The following RPS6KB1 variants were observed in gnomAD, a reference collection of about 807,000 sequenced individuals.
RPS6KB1 encodes the protein ribosomal protein S6 kinase B1, also known as ribosomal protein S6 kinase beta-1.
RPS6KB1 carries 12 observed loss-of-function variants against 70.2 expected under a neutral mutation model. The observed-to-expected ratio is 0.17, with a 90% CI of 0.11 to 0.28. The LOEUF is 0.28. RPS6KB1 is among the 10% of genes least tolerant of loss of function. The pLI, the probability that RPS6KB1 is intolerant of heterozygous loss-of-function variation, is 1.00. For missense variants in RPS6KB1, 270 were observed against 646.6 expected (o/e 0.42, Z 6.32); for synonymous variants, 175 against 211.2 (o/e 0.83, Z 1.49).
intron 12 of RPS6KB1, among the ~76,000 whole-genome samples, chr17:59,940,585 C>T (rs1002857179): frequency 7.2e-5 from 11 of 151,878 alleles, no homozygotes; most frequent in South Asian, 4.2e-4. Flanking sequence ...CATGCCCAGT[C>T]GATATATTCA....
chr17:59,922,637 C>T (rs571444302), intron 4 of RPS6KB1, among the ~76,000 whole-genome samples: 3 of 148,568 alleles, frequency 2.0e-5, no homozygotes, highest in Admixed American at 2.0e-4. Context: ...TTCTGCCTCC[C>T]GGGTTCAAAC....
chr17:59,900,261 T>C (rs1025047939), intron 1 of RPS6KB1, among the ~76,000 whole-genome samples: 2 of 151,522 alleles, frequency 1.3e-5, no homozygotes, highest in South Asian at 4.2e-4. Context: ...GTATGTTGGC[T>C]GTGTACTGGT....
chr17:59,900,230 A>ACACACACACACC (rs1355022894), intron 1 of RPS6KB1, among the ~76,000 whole-genome samples: 45 of 136,824 alleles, frequency 3.3e-4, no homozygotes, highest in South Asian at 7.3e-4. Flanking sequence ...ACACACACAC[A>ACACACACACACC]CCCCTATGTG....
intron 2 of RPS6KB1, 88 bp from the exon 3 acceptor site, chr17:59,912,596 A>T: frequency 7.3e-7 from 1 of 1,363,208 alleles, no homozygotes; most frequent in Non-Finnish European, 1.0e-6. Context: ...TACTTAGATT[A>T]CATTTCTCTG....
intron 5 of RPS6KB1, among the ~76,000 whole-genome samples, chr17:59,927,121 C>T (rs778292739): frequency 1.6e-4 from 24 of 151,672 alleles, no homozygotes; most frequent in Non-Finnish European, 2.6e-4. Context: ...TCACACTGGT[C>T]GCACAGGCTG....
chr17:59,947,491 G>T lies in RPS6KB1; in HGVS notation c.*703G>T. 6.7e-7 allele frequency: 1 copy of T among 1,484,462 alleles called. No homozygotes were observed. The highest frequency in any genetic ancestry group is 2.6e-5 in the East Asian group (1 of 38,106). The allele number at this position is 1,484,462 out of a possible 1,614,324, so 92.0% of individuals were successfully genotyped here. The stretch of plus-strand genomic sequence containing the variant: ...AGCTGTGGCTCGTTTGAGGGATTGG[G>T]GTGGACCTGGGGTTTATTTTCAGTA... On this transcript the variant is annotated 3_prime_UTR_variant, in exon 15 of 15. Coordinates refer to ENST00000225577, the MANE Select transcript of RPS6KB1 (RefSeq NM_003161.4).
Position 59,947,759 on chromosome 17 carries a change from ACAG to A in RPS6KB1, c.*972_*974del. 1 of 566,416 alleles carries A rather than the reference ACAG, an allele frequency of 1.8e-6. No individual in the cohort carries two copies. Among genetic ancestry groups the A allele is most frequent in the Non-Finnish European group, 3.2e-6 (1 of 311,682 alleles). The allele number at this position is 566,416 out of a possible 1,614,324, so 35.1% of individuals were successfully genotyped here. On this transcript the variant is annotated 3_prime_UTR_variant, in exon 15 of 15. Coordinates refer to ENST00000225577, the MANE Select transcript of RPS6KB1 (RefSeq NM_003161.4). ...GTCTTCAGCCCATGGCTGAAGAACA[ACAG>A]AAGAGAGTCAGGATAAAAAATACAT...
chr17:59,916,638 C>G (rs1298885758), intron 4 of RPS6KB1, among the ~76,000 whole-genome samples: 1 of 152,164 alleles, frequency 6.6e-6, no homozygotes, highest in African/African-American at 2.4e-5. Context: ...CACCTGTTCC[C>G]ATCTGGAGTG....
chr17:59,916,339 A>G (rs2042963394), intron 4 of RPS6KB1, among the ~76,000 whole-genome samples: 1 of 151,926 alleles, frequency 6.6e-6, no homozygotes, highest in African/African-American at 2.4e-5. Context: ...ACCTCGGGGG[A>G]TCGGCCCGCC....
intron 1 of RPS6KB1, among the ~76,000 whole-genome samples, chr17:59,898,896 A>G (rs1010104471): frequency 6.6e-5 from 10 of 151,962 alleles, no homozygotes; most frequent in Non-Finnish European, 1.2e-4. Flanking sequence ...GGCAGCAGAA[A>G]AAAATTAGGA....
intron 1 of RPS6KB1, among the ~76,000 whole-genome samples, chr17:59,900,777 A>G (rs1377459957): frequency 1.3e-5 from 2 of 152,136 alleles, no homozygotes; most frequent in African/African-American, 4.8e-5. Context: ...TTCTGCTGCC[A>G]AGTTTTTTGT....
At chr17:59,919,841 C>T (rs1291416462) in intron 4 of RPS6KB1, among the ~76,000 whole-genome samples, 1 of 152,080 alleles carries the variant, frequency 6.6e-6, no homozygotes, top group African/African-American at 2.4e-5. Flanking sequence ...TTTTTCCCTT[C>T]CTTCTAATTT....
At position 59,949,197 on chromosome 17, in the gene RPS6KB1, TTTA is replaced by T. The variant is rs1316392424; in HGVS notation, c.*2412_*2414del. 2 of 152,608 alleles carry T rather than the reference TTTA, an allele frequency of 1.3e-5. No homozygotes were observed. The highest frequency in any genetic ancestry group is 1.9e-4 in the East Asian group (1 of 5,202). The allele number at this position is 152,608 out of a possible 1,614,324, so 9.5% of individuals were successfully genotyped here. ...AATTTATTTCCCATGCTGTGGAAAG[TTTA>T]TTGAGAACTTGTTTCATAAATGGAT... On this transcript the variant is annotated 3_prime_UTR_variant, in exon 15 of 15. Transcript: ENST00000225577.
At chr17:59,912,617 C>G (rs2042715767) in intron 2 of RPS6KB1, 67 bp from the exon 3 acceptor site, 7 of 1,513,020 alleles carry the variant, frequency 4.6e-6, no homozygotes, top group African/African-American at 1.4e-5. Context: ...TCTCCTTTTT[C>G]TTGACTATAT....
chr17:59,905,327 G>C (rs1317404842), intron 1 of RPS6KB1, among the ~76,000 whole-genome samples: 3 of 151,972 alleles, frequency 2.0e-5, no homozygotes, highest in Non-Finnish European at 2.9e-5. Flanking sequence ...TTTCTTGATG[G>C]TGTTGGTGTT....
rs2044259416 is a variant in RPS6KB1 at position 59,936,570 on chromosome 17, G to A, written c.1119+29G>A. On this transcript the variant is annotated intron_variant, in intron 12 of 14. Transcript: ENST00000225577. The stretch of plus-strand genomic sequence containing the variant: ...AGTATACATGAAAGTGTATAATTGG[G>A]TGCAGTGGCTCACGCCTGTAATCCC... 7 of 1,569,088 alleles carry A rather than the reference G, an allele frequency of 4.5e-6. No individual in the cohort carries two copies. In the East Asian group the frequency reaches 1.6e-4, roughly 35 times the overall value.
chr17:59,914,910 C>T (rs571939248), intron 4 of RPS6KB1, among the ~76,000 whole-genome samples: 56 of 152,168 alleles, frequency 3.7e-4, no homozygotes, highest in African/African-American at 1.2e-3. Flanking sequence ...AGGAGGATTG[C>T]TTGAACTTAG....
At position 59,945,535 on chromosome 17, in the gene RPS6KB1, T is replaced by C. The variant is rs2044871135; in HGVS notation, c.1340+17T>C. 2.1e-6 allele frequency: 3 copies of C among 1,402,034 alleles called. No homozygotes were observed. The highest frequency in any genetic ancestry group is 1.4e-5 in the African/African-American group (1 of 70,532). 86.8% of individuals were successfully genotyped at this position (1,402,034 alleles called of 1,614,324 possible). On this transcript the variant is annotated intron_variant, in intron 14 of 14. Coordinates refer to ENST00000225577, the MANE Select transcript of RPS6KB1 (RefSeq NM_003161.4). ...ACCTGTCAGGTATTTCACACTCTTA[T>C]TTTCACTTTTTTTTGTTTTTAAACA...
intron 13 of RPS6KB1, among the ~76,000 whole-genome samples, chr17:59,942,978 G>A (rs1438571489): frequency 1.3e-5 from 2 of 150,038 alleles, no homozygotes; most frequent in African/African-American, 2.5e-5. Flanking sequence ...GTGAGACTCC[G>A]TATCAAAAAA....
Sources: allele counts gnomAD v4.1 joint callset (sites outside exome capture counted in the v4.1 genomes callset), GRCh38; gene constraint gnomAD v4.1.1; transcripts MANE v1.5; gene names NCBI Gene and HGNC (gene_info 2026-07-23, HGNC 2026-07-21).